The following SLC6A11 variants were observed in gnomAD, a reference collection of about 807,000 sequenced individuals.
SLC6A11 encodes the protein solute carrier family 6 member 11.
In SLC6A11, 25 loss-of-function variants were observed where a neutral mutation model predicts 74.8. The observed-to-expected ratio is 0.33, with a 90% CI of 0.24 to 0.47. The LOEUF is 0.47. SLC6A11 is among the 20% of genes least tolerant of loss of function. The pLI is 1.00. For synonymous variants in SLC6A11, 330 were observed against 330.2 expected (o/e 1.00, Z 0.01); for missense variants, 574 against 837.0 (o/e 0.69, Z 3.88).
In SLC6A11 at chr3:10,820,350, A is replaced by G. The variant is rs1236331075; in HGVS notation, c.532+498A>G. 5.3e-5 allele frequency among the ~76,000 whole-genome samples: 8 copies of G among 152,234 alleles called. No individual in the cohort carries two copies. In the East Asian group the frequency reaches 1.2e-3, roughly 22 times the overall value. On this transcript the variant is annotated intron_variant, in intron 3 of 13. Coordinates refer to ENST00000254488, the MANE Select transcript of SLC6A11 (RefSeq NM_014229.3). ...TGGTTGCCAAAATTAAAAAATTGGA[A>G]GACTTCACGTGAAAAATTCAGGTTT...
chr3:10,935,270 C>T (rs2124823727), intron 13 of SLC6A11, 71 bp downstream of exon 13: 2 of 1,426,522 alleles, frequency 1.4e-6, no homozygotes, highest in East Asian at 4.5e-5. Context: ...TCCTCATCTG[C>T]ATGGTGCGCG....
rs965011243 is a variant in SLC6A11, at chr3:10,865,483, G to A, written c.757-9478G>A. Among the ~76,000 whole-genome samples, 17 of 152,214 alleles carry A rather than the reference G, an allele frequency of 1.1e-4. No individual in the cohort carries two copies. In the East Asian group the frequency reaches 3.1e-3, roughly 28 times the overall value. On this transcript the variant is annotated intron_variant, in intron 5 of 13. Transcript: ENST00000254488. ...TCGAGACCATCCTGGCTAACACGGT[G>A]AAACCCCGTCTCTACTAAAAATACA... is the stretch of plus-strand genomic sequence containing the variant.
intron 6 of SLC6A11, among the ~76,000 whole-genome samples, chr3:10,880,413 C>A (rs914398233): frequency 6.6e-6 from 1 of 152,208 alleles, no homozygotes; most frequent in African/African-American, 2.4e-5. Context: ...GCATGGGCAC[C>A]TTTGTGTCTT....
intron 5 of SLC6A11, among the ~76,000 whole-genome samples, chr3:10,848,405 C>A (rs905881861): frequency 1.3e-5 from 2 of 152,214 alleles, no homozygotes; most frequent in African/African-American, 4.8e-5. Context: ...CACAAACCCC[C>A]TTGGGCACCT....
intron 10 of SLC6A11, among the ~76,000 whole-genome samples, chr3:10,930,049 A>C (rs1326469508): frequency 1.3e-5 from 2 of 152,264 alleles, no homozygotes; most frequent in Non-Finnish European, 2.9e-5. Flanking sequence ...TAGAAACAAG[A>C]ATAGGTTTTG....
intron 5 of SLC6A11, among the ~76,000 whole-genome samples, chr3:10,851,445 C>T (rs1378205646): frequency 6.6e-6 from 1 of 151,346 alleles, no homozygotes; most frequent in Non-Finnish European, 1.5e-5. Context: ...GACACACTCA[C>T]ACAGAAACAG....
chr3:10,868,450 G>A (rs556241235), intron 5 of SLC6A11, among the ~76,000 whole-genome samples: 24 of 152,324 alleles, frequency 1.6e-4, no homozygotes, highest in African/African-American at 4.6e-4. Context: ...AGCAATTAGC[G>A]TCAATTAAAA....
Position 10,816,384 on chromosome 3 carries a change from G to A in SLC6A11, c.119G>A (p.Arg40His). Residue 40 changes from arginine (R) to histidine (H), a missense_variant, in exon 1 of 14, where the codon CGC (arginine) becomes CAC (histidine). Coordinates refer to ENST00000254488, the MANE Select transcript of SLC6A11 (RefSeq NM_014229.3). This position sits in a 1 kb window ranked among gnomAD's most constrained non-coding sequence, Gnocchi z 4.2. ...SGGAAPARHP[R>H]VKRDKAVHER... ...GGCGCGGCGCCCGCGCGCCACCCGC[G>A]CGTCAAGCGCGACAAGGCGGTCCAC... is the stretch of plus-strand genomic sequence containing the variant. 1 of 1,510,626 alleles carries A rather than the reference G, an allele frequency of 6.6e-7. No homozygotes were observed. The highest frequency in any genetic ancestry group is 8.8e-7 in the Non-Finnish European group (1 of 1,131,030). 93.6% of individuals were successfully genotyped at this position (1,510,626 alleles called of 1,614,324 possible). A position where few individuals can be genotyped will look rare whatever the true frequency, so the allele number is the denominator to read the frequency against.
chr3:10,881,656 T>G lies in SLC6A11; in HGVS notation c.891+6561T>G, dbSNP rs117753874. Among the ~76,000 whole-genome samples the G allele has an allele frequency of 2.0e-5, 3 of 152,334 alleles. No homozygotes were observed. The East Asian group carries it at 5.8e-4, about 29-fold the overall frequency. On this transcript the variant is annotated intron_variant, in intron 6 of 13. Transcript: ENST00000254488. The stretch of plus-strand genomic sequence containing the variant: ...ATGTTATCAGCAGAGTTCACTTCTC[T>G]GCAAACATGTGTGGGGTTCATGAAG...
chr3:10,836,881 G>T (rs1187644501), intron 4 of SLC6A11, among the ~76,000 whole-genome samples: 1 of 152,236 alleles, frequency 6.6e-6, no homozygotes, highest in African/African-American at 2.4e-5. Context: ...TTGGAAGAAA[G>T]CCACACCCAT....
At chr3:10,840,650 C>T (rs756701932) in intron 4 of SLC6A11, among the ~76,000 whole-genome samples, 225 of 152,234 alleles carry the variant, frequency 1.5e-3, no homozygotes, top group Non-Finnish European at 2.6e-4. Flanking sequence ...ATGCATTTAC[C>T]GTAGCTTTAA....
At chr3:10,894,224 CA>C (rs1695143035) in intron 6 of SLC6A11, among the ~76,000 whole-genome samples, 1 of 152,202 alleles carries the variant, frequency 6.6e-6, no homozygotes, top group African/African-American at 2.4e-5. Context: ...GTCAGATTCC[CA>C]GGGAACTGGC....
chr3:10,910,087 C>T (rs1469549067), intron 6 of SLC6A11, among the ~76,000 whole-genome samples: 1 of 152,170 alleles, frequency 6.6e-6, no homozygotes, highest in Non-Finnish European at 1.5e-5. Flanking sequence ...CTCTCCCTGC[C>T]CCTGCACTTC....
intron 7 of SLC6A11, among the ~76,000 whole-genome samples, chr3:10,914,526 C>A (rs967340127): frequency 2.6e-5 from 4 of 152,150 alleles, no homozygotes; most frequent in Non-Finnish European, 5.9e-5. Flanking sequence ...ATTGTAGAAT[C>A]CAGTGTGCCA....
chr3:10,819,685 A>T, intron 2 of SLC6A11, 27 bp from the exon 3 acceptor site: 1 of 1,611,654 alleles, frequency 6.2e-7, no homozygotes, highest in Non-Finnish European at 8.5e-7. Context: ...ATAGACTCAA[A>T]TTCCTTCCTT....
intron 6 of SLC6A11, among the ~76,000 whole-genome samples, chr3:10,886,872 T>G (rs545967587): frequency 6.6e-6 from 1 of 152,330 alleles, no homozygotes; most frequent in Non-Finnish European, 1.5e-5. Context: ...TTTTATTTTA[T>G]TCACAGGGCT....
In SLC6A11 at chr3:10,816,834, G is replaced by A. The variant is rs1405649822; in HGVS notation, c.256+313G>A. Among the ~76,000 whole-genome samples, 2 of 152,230 alleles carry A rather than the reference G, an allele frequency of 1.3e-5. No homozygotes were observed. The highest frequency in any genetic ancestry group is 4.8e-5 in the African/African-American group (2 of 41,466). Reference sequence around the variant, plus strand: ...TTTGGGTAGGCGCCCTGGTGTTTCGGGCACTTGGCCCCTTGGAGCCTCAGC... The same window carrying A: ...TTTGGGTAGGCGCCCTGGTGTTTCGAGCACTTGGCCCCTTGGAGCCTCAGC... On this transcript the variant is annotated intron_variant, in intron 1 of 13. Transcript: ENST00000254488. This position sits in a 1 kb window ranked among gnomAD's most constrained non-coding sequence, Gnocchi z 4.2.
intron 6 of SLC6A11, among the ~76,000 whole-genome samples, chr3:10,905,492 A>AT: frequency 6.6e-6 from 1 of 152,350 alleles, no homozygotes; most frequent in Non-Finnish European, 1.5e-5. Flanking sequence ...CTATGCTTTA[A>AT]TCTTTGTGTG....
intron 10 of SLC6A11, among the ~76,000 whole-genome samples, chr3:10,930,813 A>C (rs1332433417): frequency 6.6e-6 from 1 of 152,086 alleles, no homozygotes; most frequent in Non-Finnish European, 1.5e-5. Flanking sequence ...CTGAGGCCTC[A>C]CATCTGCCCA....
Sources: gnomAD v4.1 joint callset for allele counts (sites outside exome capture counted in the v4.1 genomes callset) on GRCh38, gnomAD v4.1.1 for gene constraint, Gnocchi (gnomAD v3.1) non-coding constraint, MANE v1.5 for transcripts, NCBI Gene and HGNC (gene_info 2026-07-23, HGNC 2026-07-21) for gene names.